Variants in CUL2 observed in about 807,000 individuals in gnomAD.
CUL2 encodes the protein cullin 2.
A neutral mutation model predicts 110.2 loss-of-function variants in CUL2; 22 were observed. The ratio of observed to expected loss-of-function variants is 0.20; its 90% CI spans 0.14 to 0.28. The LOEUF (loss-of-function observed/expected upper bound fraction) is 0.28, where lower values mean the gene tolerates loss of function less well. CUL2 is among the 10% of genes least tolerant of loss of function. The probability of loss-of-function intolerance (pLI) is 1.00; values close to 1 mark genes in which losing one functional copy is unlikely to be tolerated. For missense variants in CUL2, 631 were observed against 905.5 expected (o/e 0.70, Z 3.89); for synonymous variants, 279 against 293.2 (o/e 0.95, Z 0.49).
intron 1 of CUL2, among the ~76,000 whole-genome samples, chr10:35,077,765 C>T (rs977142177): frequency 2.7e-5 from 4 of 149,028 alleles, no homozygotes; most frequent in Middle Eastern, 3.4e-3. Flanking sequence ...TGCGGTGAGT[C>T]GAGATCGTGC....
In CUL2 at chr10:35,010,309, C is replaced by T. The variant is rs748366590; in HGVS notation, c.*2G>A. 4.4e-6 allele frequency: 7 copies of T among 1,604,256 alleles called. No homozygotes were observed. In the Admixed American group the frequency reaches 5.1e-5, roughly 12 times the overall value. On this transcript the variant is annotated 3_prime_UTR_variant, in exon 21 of 21. Transcript: ENST00000374749. ...CTCACACCACGCTGGAGGAGAGCGA[C>T]ATCACGCGACGTAGCTGTATTCATC...
At chr10:35,012,898 A>G (rs535303005) in intron 19 of CUL2, among the ~76,000 whole-genome samples, 32 of 152,294 alleles carry the variant, frequency 2.1e-4, no homozygotes, top group African/African-American at 7.7e-4. Flanking sequence ...AAAATAATGA[A>G]GAGCAGAAGT....
In CUL2 at chr10:35,044,662, A is replaced by C. The variant is rs1342280007; in HGVS notation, c.618T>G (p.Ile206Met). 4 of 1,608,130 alleles carry C rather than the reference A, an allele frequency of 2.5e-6. No homozygotes were observed. The highest frequency in any genetic ancestry group is 1.7e-6 in the Non-Finnish European group (2 of 1,178,194). The change falls in exon 8 of 21, where the codon ATT (isoleucine) becomes ATG (methionine). Residue 206 changes from isoleucine to methionine, a missense_variant. By Grantham distance (10) the Ile-to-Met change is conservative. This residue lies in a region of CUL2 where 338 missense variants were observed against 442.5 expected (regional missense o/e 0.76). Transcript: ENST00000374749. ...TTTCAGTCAGAAAGGGAGACTCAAA[A>C]ATTTCCTGATAAAACTGAATAAATC... The part of the protein sequence containing the change: ...KKFPLKFYQE[I>M]FESPFLTETG...
upstream of CUL2, among the ~76,000 whole-genome samples, chr10:35,091,598 T>C (rs35807819): frequency 0.14 from 20,571 of 152,042 alleles, 1,588 homozygotes; most frequent in South Asian, 0.2. Context: ...ACAACTAGTT[T>C]GTTAACAATG....
At chr10:35,120,259 T>TGAA (rs2087662398) in intron 1 of CUL2, among the ~76,000 whole-genome samples, 3 of 152,174 alleles carry the variant, frequency 2.0e-5, no homozygotes, top group Non-Finnish European at 4.4e-5. Context: ...ATGCTTATGA[T>TGAA]TTCAGCTACT....
At chr10:35,118,477 CATTA>C (rs1288861402) in intron 1 of CUL2, 2 of 152,136 alleles carry the variant, frequency 1.3e-5, no homozygotes, top group African/African-American at 4.8e-5. Flanking sequence ...TGAGTTATTT[CATTA>C]ATATTTGTCA....
At position 35,096,327 on chromosome 10, in the gene CUL2, G is replaced by A. The variant is rs556532444; in HGVS notation, c.167+4517C>T. ...TAAAGAAGTGGCTGACGTGATGGCC[G>A]GGTACAGTGGCTCATGCCTGTAATC... On this transcript the variant is annotated intron_variant, in intron 2 of 5. Transcript: ENST00000685421. Among the ~76,000 whole-genome samples the A allele has an allele frequency of 3.3e-5, 5 of 152,060 alleles. No individual in the cohort carries two copies. The South Asian group carries it at 6.2e-4, about 19-fold the overall frequency.
chr10:35,093,649 G>A (rs1360472953), upstream of CUL2, among the ~76,000 whole-genome samples: 4 of 96,926 alleles, frequency 4.1e-5, no homozygotes, highest in African/African-American at 8.4e-5. Flanking sequence ...AATAAAGGCA[G>A]ACCTTCTCTC....
chr10:35,077,997 C>T (rs1490644104), intron 1 of CUL2, among the ~76,000 whole-genome samples: 3 of 151,894 alleles, frequency 2.0e-5, no homozygotes, highest in African/African-American at 7.3e-5. Context: ...TATGTGTTTA[C>T]AATTTTCCAT....
intron 1 of CUL2, among the ~76,000 whole-genome samples, chr10:35,087,263 G>A (rs1415124282): frequency 6.6e-6 from 1 of 151,950 alleles, no homozygotes; most frequent in African/African-American, 2.4e-5. Context: ...TCACCATGTT[G>A]CCCAGACTAA....
intron 1 of CUL2, among the ~76,000 whole-genome samples, chr10:35,072,513 C>T (rs962491381): frequency 2.0e-5 from 3 of 152,060 alleles, no homozygotes; most frequent in Admixed American, 6.6e-5. Context: ...GGACTACAGG[C>T]GCCCGCCACC....
chr10:35,044,462 T>C, intron 8 of CUL2, 104 bp downstream of exon 8: 1 of 670,272 alleles, frequency 1.5e-6, no homozygotes. Flanking sequence ...ATAAACAGAA[T>C]ATTTTTCCAC....
chr10:35,115,909 TAATA>T (rs1444315702), intron 1 of CUL2, among the ~76,000 whole-genome samples: 10 of 151,600 alleles, frequency 6.6e-5, no homozygotes, highest in African/African-American at 2.2e-4. Context: ...TATAATAAAA[TAATA>T]AATAAATGTT....
intron 3 of CUL2, among the ~76,000 whole-genome samples, chr10:35,062,487 T>A (rs2086408747): frequency 6.6e-6 from 1 of 152,126 alleles, no homozygotes; most frequent in African/African-American, 2.4e-5. Flanking sequence ...ATTTACTAAT[T>A]ACGAGATGCT....
At chr10:35,123,358 G>T (rs2087700101) in intron 1 of CUL2, among the ~76,000 whole-genome samples, 1 of 152,072 alleles carries the variant, frequency 6.6e-6, no homozygotes, top group Non-Finnish European at 1.5e-5. Context: ...TTAAGTTTCA[G>T]TCCCTCCTAG....
chr10:35,098,728 C>A (rs1048110443), intron 2 of CUL2, among the ~76,000 whole-genome samples: 1 of 151,424 alleles, frequency 6.6e-6, no homozygotes, highest in South Asian at 2.1e-4. Context: ...GTCAGGAGTT[C>A]GAGACCAACC....
chr10:35,097,755 T>C (rs2087319284), intron 2 of CUL2, among the ~76,000 whole-genome samples: 2 of 151,970 alleles, frequency 1.3e-5, no homozygotes, highest in South Asian at 4.1e-4. Context: ...GGTCAGGAGT[T>C]TGAGACTACC....
rs1338125418 is a variant in CUL2, at chr10:35,035,276, A to G, written c.898T>C (p.Leu300=). ...AAACCAGTGGACACAGCACGGAGTA[A>G]GACGTACATATTTGCCATGTCTGAG... ...KKNDMANMYV[L]LRAVSTGLPH... is the part of the protein sequence containing the mutation. The change falls in exon 10 of 21, where the codon TTA becomes CTA. Residue 300 remains leucine (L), a synonymous_variant. Transcript: ENST00000374749. 6.2e-7 allele frequency: 1 copy of G among 1,614,104 alleles called. No homozygotes were observed. The highest frequency in any genetic ancestry group is 2.2e-5 in the East Asian group (1 of 44,878).
chr10:35,079,812 C>T (rs1366532230), intron 1 of CUL2: 2 of 154,618 alleles, frequency 1.3e-5, no homozygotes, highest in African/African-American at 4.8e-5. Context: ...GATCACTACT[C>T]CTGTACTTTG....
Sources: allele counts gnomAD v4.1 joint callset (sites outside exome capture counted in the v4.1 genomes callset), GRCh38; gene constraint gnomAD v4.1.1; regional missense constraint gnomAD v4.1.1; transcripts MANE v1.5; gene names NCBI Gene and HGNC (gene_info 2026-07-23, HGNC 2026-07-21).